The following C8G variants were observed in gnomAD, a reference collection of about 807,000 sequenced individuals.
C8G encodes the protein complement C8 gamma chain.
In C8G, 38 loss-of-function variants were observed where a neutral mutation model predicts 29.1. The observed-to-expected ratio is 1.31, with a 90% CI of 1.01 to 1.71. C8G has a LOEUF of 1.71. Among genes scored for constraint, C8G ranks in the 40% most tolerant of loss-of-function variants. The pLI is 0.00. For synonymous variants in C8G, 158 were observed against 113.2 expected, an observed-to-expected ratio of 1.40 and a Z score of -2.51; for missense variants, 300 against 267.4, an observed-to-expected ratio of 1.12 and a Z score of -0.85.
chr9:136,945,978 C>A lies in C8G; in HGVS notation c.325C>A (p.Leu109Ile). 1 of 1,577,140 alleles carries A rather than the reference C, an allele frequency of 6.3e-7. No homozygotes were observed. The highest frequency in any genetic ancestry group is 1.1e-5 in the South Asian group (1 of 87,048). ...CCAGCTCTATGGAGACACAGGGGTC[C>A]TCGGCCGCTTCCTGCTTCAAGGTGA... is the stretch of plus-strand genomic sequence containing the variant. ...VRQLYGDTGV[L>I]GRFLLQARDA... The change falls in exon 3 of 7, where the codon CTC becomes ATC. Residue 109 changes from leucine (L) to isoleucine (I), a missense_variant. Transcript: ENST00000371634.
Position 136,946,783 on chromosome 9 carries a change from G to T in C8G, c.*2G>T, listed in dbSNP as rs1183086543. 3 of 1,586,230 alleles carry T rather than the reference G, an allele frequency of 1.9e-6. No individual in the cohort carries two copies. Among genetic ancestry groups the T allele is most frequent in the East Asian group, 2.3e-5 (1 of 43,960 alleles). ...TCTGCTGCAGAAGTGAGGAGGTGAGGCCGGCACACAGCTCCAGTGCTGAGA... is the reference window on the plus strand; with the variant it reads ...TCTGCTGCAGAAGTGAGGAGGTGAGTCCGGCACACAGCTCCAGTGCTGAGA... On this transcript the variant is annotated 3_prime_UTR_variant, in exon 7 of 7. Transcript: ENST00000371634.
At chr9:136,946,342 C>T (rs1241306814) in intron 4 of C8G, 123 bp from the exon 5 acceptor site, 3 of 1,416,832 alleles carry the variant, frequency 2.1e-6, no homozygotes, top group African/African-American at 2.9e-5. Flanking sequence ...GGAGTAGTGA[C>T]AGACAGGCCT....
Position 136,946,191 on chromosome 9 carries a change from C to A in C8G, c.453C>A (p.Tyr151Ter), listed in dbSNP as rs41306734. The change falls in exon 4 of 7, where the codon TAC becomes TAA. Residue 151 changes from tyrosine to a stop codon, truncating the protein, a stop_gained and splice_region_variant. Transcript: ENST00000371634. LOFTEE classifies it high-confidence loss of function. The part of the protein sequence containing the change: ...ERAGQLSVKL[Y>*]ARSLPVSDSV... ...CGGGGCAGCTGTCAGTGAAGCTCTA[C>A]GGTATGTGGGGGCCAGCCTCTGTGA... 1 of 1,557,384 alleles carries A rather than the reference C, an allele frequency of 6.4e-7. No homozygotes were observed. Among genetic ancestry groups the A allele is most frequent in the East Asian group, 2.3e-5 (1 of 44,394 alleles).
chr9:136,945,572 G>A (rs1013732337), intron 1 of C8G, 62 bp from the exon 2 acceptor site: 1 of 1,581,808 alleles, frequency 6.3e-7, no homozygotes, highest in Admixed American at 1.7e-5. Context: ...GGGGGGTGTA[G>A]AGGGAAGCAG....
Position 136,946,016 on chromosome 9 carries a change from A to G in C8G, c.346+17A>G, listed in dbSNP as rs552400999. ...TGCTTCAAGGTGAGGCAGGGGCTGC[A>G]GGGCATGTGGGTGGGGGATGACGCA... On this transcript the variant is annotated intron_variant, in intron 3 of 6. Coordinates refer to ENST00000371634, the MANE Select transcript of C8G (RefSeq NM_000606.3). 23 of 1,592,776 alleles carry G rather than the reference A, an allele frequency of 1.4e-5. No individual in the cohort carries two copies. In the Admixed American group the frequency reaches 2.3e-4, roughly 16 times the overall value.
In C8G at chr9:136,945,789, C is replaced by G; in HGVS notation, c.275+19C>G. On this transcript the variant is annotated intron_variant, in intron 2 of 6. Coordinates refer to ENST00000371634, the MANE Select transcript of C8G (RefSeq NM_000606.3). ...GAAAGCTGTGAGTCCCAGAGCAGCC[C>G]TGCACCCTAACCCCAACCCTCCTCT... is the stretch of plus-strand genomic sequence containing the variant. The G allele has an allele frequency of 6.5e-7, 1 of 1,544,972 alleles. No homozygotes were observed. The highest frequency in any genetic ancestry group is 8.7e-7 in the Non-Finnish European group (1 of 1,145,126).
rs560337682 is a variant in C8G, at chr9:136,946,143, C to T, written c.405C>T (p.Phe135=). The change falls in exon 4 of 7, where the codon TTC becomes TTT. Residue 135 remains phenylalanine, a synonymous_variant. Transcript: ENST00000371634. ...VVVAETDYQS[F]AVLYLERAGQ... ...TCGCTGAGACCGACTACCAGAGTTT[C>T]GCTGTCCTGTACCTGGAGCGGGCGG... 11 of 1,583,010 alleles carry T rather than the reference C, an allele frequency of 6.9e-6. No homozygotes were observed. The highest frequency in any genetic ancestry group is 4.0e-5 in the African/African-American group (3 of 74,426).
At chr9:136,945,486 C>A (rs1331752872) in intron 1 of C8G, 28 bp downstream of exon 1, 1 of 1,551,332 alleles carries the variant, frequency 6.4e-7, no homozygotes, top group Non-Finnish European at 8.7e-7. Context: ...TAGAGGGAGG[C>A]AGGTAGAAGT....
chr9:136,945,519 A>G lies in C8G; in HGVS notation c.138+61A>G, dbSNP rs1851004536. 3 of 1,528,020 alleles carry G rather than the reference A, an allele frequency of 2.0e-6. No individual in the cohort carries two copies. In the Admixed American group the frequency reaches 5.8e-5, roughly 30 times the overall value. 94.7% of individuals were successfully genotyped at this position (1,528,020 alleles called of 1,614,324 possible). ...AGTTGTGGGAGGGGTAGAGGGAGAC[A>G]GGTAGAAGTTGTTGCGGGGGAGAGG... On this transcript the variant is annotated intron_variant, in intron 1 of 6. Transcript: ENST00000371634.
At chr9:136,946,432 G>A (rs778450330) in intron 4 of C8G, 33 bp from the exon 5 acceptor site, 10 of 1,553,540 alleles carry the variant, frequency 6.4e-6, no homozygotes, top group Non-Finnish European at 8.7e-6. Flanking sequence ...GCCGCCTGGT[G>A]CCAGGACCCC....
chr9:136,946,508 G>A lies in C8G; in HGVS notation c.498G>A (p.Glu166=). Residue 166 remains glutamate, a synonymous_variant, in exon 5 of 7, where the codon GAG becomes GAA. Transcript: ENST00000371634. ...PVSDSVLSGF[E]QRVQEAHLTE... is the part of the protein sequence containing the mutation. ...GCGACTCGGTCCTGAGTGGGTTTGAGCAGCGGGTCCAGGAGGCCCACCTGA... is the reference window on the plus strand; with the variant it reads ...GCGACTCGGTCCTGAGTGGGTTTGAACAGCGGGTCCAGGAGGCCCACCTGA... 6.2e-7 allele frequency: 1 copy of A among 1,612,794 alleles called. No homozygotes were observed. The highest frequency in any genetic ancestry group is 8.5e-7 in the Non-Finnish European group (1 of 1,179,820).
rs1170891152 is a variant in C8G at position 136,945,371 on chromosome 9, C to A, written c.51C>A (p.Gly17=). 1 of 1,612,648 alleles carries A rather than the reference C, an allele frequency of 6.2e-7. No homozygotes were observed. Among genetic ancestry groups the A allele is most frequent in the Non-Finnish European group, 8.5e-7 (1 of 1,179,880 alleles). The change falls in exon 1 of 7, where the codon GGC becomes GGA. Residue 17 remains glycine (G), a synonymous_variant. Transcript: ENST00000371634. Reference sequence around the variant, plus strand: ...TCTTGACTCTGCTCCTGGCAGCTGGCTCGCTGGGCCAGAAGCCTCAGAGGC... The same window carrying A: ...TCTTGACTCTGCTCCTGGCAGCTGGATCGCTGGGCCAGAAGCCTCAGAGGC... ...ATLLTLLLAA[G]SLGQKPQRPR...
At chr9:136,945,524 G>A in intron 1 of C8G, 66 bp downstream of exon 1, 2 of 1,143,874 alleles carry the variant, frequency 1.7e-6, no homozygotes, top group Non-Finnish European at 2.4e-6. Context: ...GAGACAGGTA[G>A]AAGTTGTTGC....
At position 136,946,820 on chromosome 9, in the gene C8G, CGA is replaced by C; in HGVS notation, c.*44_*45del. The C allele has an allele frequency of 6.5e-7, 1 of 1,545,158 alleles. No homozygotes were observed. Among genetic ancestry groups the C allele is most frequent in the East Asian group, 2.4e-5 (1 of 41,378 alleles). The stretch of plus-strand genomic sequence containing the variant: ...CTCCAGTGCTGAGAAGTCAGTGCCC[CGA>C]GAGACGACCCCACCAGTGGGGTGCC... On this transcript the variant is annotated 3_prime_UTR_variant, in exon 7 of 7. Transcript: ENST00000371634.
At position 136,946,091 on chromosome 9, in the gene C8G, A is replaced by AGG. The variant is rs761341905; in HGVS notation, c.353_354insGG (p.Asp118GlufsTer32). 2.4e-5 allele frequency: 39 copies of AGG among 1,603,696 alleles called. No homozygotes were observed. Among genetic ancestry groups the AGG allele is most frequent in the Non-Finnish European group, 2.8e-5 (33 of 1,173,412 alleles). ...TACTGTGGCTCTGCCCCAGCCCGAG[A>AGG]CGCCCGAGGGGCTGTGCACGTGGTT... is the stretch of plus-strand genomic sequence containing the variant. On this transcript the variant is annotated frameshift_variant, in exon 4 of 7. Coordinates refer to ENST00000371634, the MANE Select transcript of C8G (RefSeq NM_000606.3). LOFTEE classifies it high-confidence loss of function.
Position 136,946,818 on chromosome 9 carries a change from C to A in C8G, c.*37C>A, listed in dbSNP as rs1193966436. 1 of 1,547,576 alleles carries A rather than the reference C, an allele frequency of 6.5e-7. No homozygotes were observed. The highest frequency in any genetic ancestry group is 1.4e-5 in the African/African-American group (1 of 73,490). On this transcript the variant is annotated 3_prime_UTR_variant, in exon 7 of 7. Coordinates refer to ENST00000371634, the MANE Select transcript of C8G (RefSeq NM_000606.3). ...AGCTCCAGTGCTGAGAAGTCAGTGC[C>A]CCGAGAGACGACCCCACCAGTGGGG...
In C8G at chr9:136,946,785, C is replaced by T. The variant is rs377687832; in HGVS notation, c.*4C>T. ...TGCTGCAGAAGTGAGGAGGTGAGGCCGGCACACAGCTCCAGTGCTGAGAAG... is the reference window on the plus strand; with the variant it reads ...TGCTGCAGAAGTGAGGAGGTGAGGCTGGCACACAGCTCCAGTGCTGAGAAG... On this transcript the variant is annotated 3_prime_UTR_variant, in exon 7 of 7. Coordinates refer to ENST00000371634, the MANE Select transcript of C8G (RefSeq NM_000606.3). The T allele has an allele frequency of 3.9e-5, 61 of 1,582,550 alleles. No individual in the cohort carries two copies. The highest frequency in any genetic ancestry group is 1.6e-4 in the African/African-American group (12 of 74,554).
rs368418975 is a variant in C8G at position 136,945,919 on chromosome 9, G to C, written c.276-10G>C. 36 of 1,555,846 alleles carry C rather than the reference G, an allele frequency of 2.3e-5. No individual in the cohort carries two copies. In the South Asian group the frequency reaches 3.9e-4, roughly 17 times the overall value. ...TCCCAGCCTGTGGTGCCTCCTCCCC[G>C]CCCCCCCAGGGATGGGATCTGCTGG... is the stretch of plus-strand genomic sequence containing the variant. On this transcript the variant is annotated splice_polypyrimidine_tract_variant and intron_variant, in intron 2 of 6. Coordinates refer to ENST00000371634, the MANE Select transcript of C8G (RefSeq NM_000606.3).
rs768963518 is a variant in C8G at position 136,946,087 on chromosome 9, C to G, written c.349C>G (p.Arg117Gly). 1.2e-6 allele frequency: 2 copies of G among 1,605,238 alleles called. No individual in the cohort carries two copies. Among genetic ancestry groups the G allele is most frequent in the Non-Finnish European group, 1.7e-6 (2 of 1,174,906 alleles). Residue 117 changes from arginine (R) to glycine (G), a missense_variant and splice_region_variant, in exon 4 of 7, where the codon CGA becomes GGA. Physicochemically the swap from Arg to Gly is moderately radical, Grantham distance 125 (BLOSUM62 -2). Coordinates refer to ENST00000371634, the MANE Select transcript of C8G (RefSeq NM_000606.3). ...TGGCTACTGTGGCTCTGCCCCAGCC[C>G]GAGACGCCCGAGGGGCTGTGCACGT... ...GVLGRFLLQARDARGAVHVVV... is the reference protein window; with the variant it reads ...GVLGRFLLQAGDARGAVHVVV...
Sources: gnomAD v4.1 joint callset for allele counts on GRCh38, gnomAD v4.1.1 for gene constraint, MANE v1.5 for transcripts, NCBI Gene and HGNC (gene_info 2026-07-23, HGNC 2026-07-21) for gene names.